The following MED12L variants were observed in gnomAD, a reference collection of about 807,000 sequenced individuals.
The protein encoded by MED12L is mediator complex subunit 12L.
MED12L carries 60 observed loss-of-function variants against 281.3 expected under a neutral mutation model. The observed-to-expected ratio is 0.21, with a 90% CI of 0.17 to 0.26. MED12L has a LOEUF of 0.26. Ranked by LOEUF, MED12L falls within the 10% of genes least tolerant of loss-of-function variation. MED12L has a pLI of 1.00. For synonymous variants in MED12L, 974 were observed against 987.2 expected (o/e 0.99, Z 0.25); for missense variants, 2,146 against 2,680.9 (o/e 0.80, Z 4.41).
At chr3:151,180,153 A>T (rs1412411513) in intron 11 of MED12L, among the ~76,000 whole-genome samples, 1 of 152,222 alleles carries the variant, frequency 6.6e-6, no homozygotes, top group African/African-American at 2.4e-5. Context: ...TCTATTTTTT[A>T]AAAGCTCAGT....
At chr3:151,297,645 G>A (rs937190030) in intron 16 of MED12L, among the ~76,000 whole-genome samples, 1 of 152,178 alleles carries the variant, frequency 6.6e-6, no homozygotes, top group Non-Finnish European at 1.5e-5. Context: ...GCTCCCTGGG[G>A]ATCTGCTATG....
At chr3:151,368,024 T>C in intron 24 of MED12L, 126 bp from the exon 25 acceptor site, 2 of 883,904 alleles carry the variant, frequency 2.3e-6, no homozygotes, top group Non-Finnish European at 3.4e-6. Context: ...AGCCAGGGCC[T>C]TATTTTCTTA....
At chr3:151,307,531 CTCTGTGTG>C (rs1423622142) in intron 16 of MED12L, among the ~76,000 whole-genome samples, 6 of 120,416 alleles carry the variant, frequency 5.0e-5, no homozygotes, top group Admixed American at 4.1e-4. Flanking sequence ...AGGTAACTTG[CTCTGTGTG>C]TGTGTGTGTG....
chr3:151,361,977 A>G (rs994281036), intron 21 of MED12L, among the ~76,000 whole-genome samples: 2 of 152,120 alleles, frequency 1.3e-5, no homozygotes, highest in African/African-American at 4.8e-5. Flanking sequence ...GGTAGAAGGT[A>G]ATAGCTAAGA....
At chr3:151,326,957 T>C (rs1224889942) in intron 16 of MED12L, 1 of 152,216 alleles carries the variant, frequency 6.6e-6, no homozygotes, top group Non-Finnish European at 1.5e-5. Context: ...ATATGGATGT[T>C]ACTGATTGTG....
At chr3:151,289,583 G>C (rs1743982144) in intron 16 of MED12L, among the ~76,000 whole-genome samples, 1 of 152,170 alleles carries the variant, frequency 6.6e-6, no homozygotes, top group Admixed American at 6.6e-5. Flanking sequence ...AGCTTTTTAA[G>C]ACTGTTTAAA....
At position 151,223,283 on chromosome 3, in the gene MED12L, G is replaced by C. The variant is rs1269070790; in HGVS notation, c.2250+29617G>C. Among the ~76,000 whole-genome samples, 68 of 151,266 alleles carry C rather than the reference G, an allele frequency of 4.5e-4. 1 individual carries two copies. Among genetic ancestry groups the C allele is most frequent in the Non-Finnish European group, 5.9e-5 (4 of 67,936 alleles). ...CAGTCCCTATTGAAAGCAGTGTAGAGATTTCTCAAAGAACTAAACATAAAA... is the reference window on the plus strand; with the variant it reads ...CAGTCCCTATTGAAAGCAGTGTAGACATTTCTCAAAGAACTAAACATAAAA... On this transcript the variant is annotated intron_variant, in intron 16 of 44. Coordinates refer to ENST00000687756, the MANE Select transcript of MED12L (RefSeq NM_001393769.1).
chr3:151,272,725 G>T (rs1464074153), intron 16 of MED12L, among the ~76,000 whole-genome samples: 1 of 152,134 alleles, frequency 6.6e-6, no homozygotes, highest in Non-Finnish European at 1.5e-5. Flanking sequence ...GATATGGCTT[G>T]AAGTGTGGAG....
Position 151,399,866 on chromosome 3 carries a change from G to A in MED12L, c.5820+4999G>A, listed in dbSNP as rs146937880. On this transcript the variant is annotated intron_variant, in intron 39 of 44. Coordinates refer to ENST00000687756, the MANE Select transcript of MED12L (RefSeq NM_001393769.1). ...TCTTGAGACAGGGTCTCCCTCTGTC[G>A]CCCAGGCTGGAGTGCAGCGGCCTAA... is the stretch of plus-strand genomic sequence containing the variant. Among the ~76,000 whole-genome samples the A allele has an allele frequency of 1.5e-3, 224 of 149,232 alleles. 2 individuals carry two copies. Among genetic ancestry groups the A allele is most frequent in the South Asian group, 4.5e-3 (21 of 4,712 alleles).
At chr3:151,237,852 T>G (rs1220264521) in intron 16 of MED12L, among the ~76,000 whole-genome samples, 1 of 152,216 alleles carries the variant, frequency 6.6e-6, no homozygotes, top group Non-Finnish European at 1.5e-5. Flanking sequence ...CACTGGTATT[T>G]CTATGAAATG....
At chr3:151,246,940 C>G (rs1292632217) in intron 16 of MED12L, among the ~76,000 whole-genome samples, 1 of 152,088 alleles carries the variant, frequency 6.6e-6, no homozygotes. Flanking sequence ...ACAAACAACC[C>G]CATCAAAAAG....
At chr3:151,293,638 T>TACACACACAC (rs199892582) in intron 16 of MED12L, among the ~76,000 whole-genome samples, 23 of 99,748 alleles carry the variant, frequency 2.3e-4, no homozygotes, top group East Asian at 8.6e-4. Flanking sequence ...ATGAAGCCCT[T>TACACACACAC]ACACACACAC....
chr3:151,226,035 C>T (rs535202793), intron 16 of MED12L, among the ~76,000 whole-genome samples: 241 of 152,256 alleles, frequency 1.6e-3, no homozygotes, highest in Non-Finnish European at 3.0e-3. Context: ...CTGCCATGCC[C>T]TATGGAAACA....
intron 5 of MED12L, among the ~76,000 whole-genome samples, chr3:151,151,737 A>G (rs964842410): frequency 2.6e-5 from 4 of 152,198 alleles, no homozygotes; most frequent in Non-Finnish European, 5.9e-5. Flanking sequence ...AAGATGACTG[A>G]TTACAGATCA....
intron 8 of MED12L, among the ~76,000 whole-genome samples, chr3:151,163,665 A>T (rs117598785): frequency 3.3e-5 from 5 of 152,086 alleles, no homozygotes; most frequent in Non-Finnish European, 1.5e-5. Context: ...TAGCTTATGA[A>T]TTATTCCTTA....
At chr3:151,133,946 A>C (rs1308007809) in intron 5 of MED12L, among the ~76,000 whole-genome samples, 3 of 152,230 alleles carry the variant, frequency 2.0e-5, no homozygotes, top group Non-Finnish European at 4.4e-5. Context: ...TTTCCCCATG[A>C]GGAGTCTTAT....
intron 16 of MED12L, among the ~76,000 whole-genome samples, chr3:151,271,470 C>G (rs1315487841): frequency 6.6e-6 from 1 of 152,162 alleles, no homozygotes; most frequent in Non-Finnish European, 1.5e-5. Flanking sequence ...AAACATGTTG[C>G]TTCCTTGTGA....
At chr3:151,176,844 A>T (rs934126439) in intron 11 of MED12L, among the ~76,000 whole-genome samples, 2 of 130,962 alleles carry the variant, frequency 1.5e-5, no homozygotes, top group Non-Finnish European at 3.0e-5. Context: ...TCAGTTACTT[A>T]TATTAATTAA....
At chr3:151,262,620 A>T (rs182069490) in intron 16 of MED12L, among the ~76,000 whole-genome samples, 2 of 152,240 alleles carry the variant, frequency 1.3e-5, no homozygotes, top group African/African-American at 4.8e-5. Flanking sequence ...TGCATGGGCA[A>T]TGTAAATACA....
Sources: gnomAD v4.1 joint callset for allele counts (sites outside exome capture counted in the v4.1 genomes callset) on GRCh38, gnomAD v4.1.1 for gene constraint, MANE v1.5 for transcripts, NCBI Gene and HGNC (gene_info 2026-07-23, HGNC 2026-07-21) for gene names.